CYSTM1: variants seen among roughly 807,000 people sequenced by gnomAD.
CYSTM1 encodes cysteine-rich transmembrane module-containing protein 1.
In CYSTM1, 4 loss-of-function variants were observed where a neutral mutation model predicts 13.1. The observed-to-expected ratio is 0.31, with a 90% CI of 0.15 to 0.70. The LOEUF (loss-of-function observed/expected upper bound fraction) is 0.70. Ranked by LOEUF, CYSTM1 falls within the 30% of genes least tolerant of loss-of-function variation. The probability of loss-of-function intolerance (pLI) is 0.72; values close to 1 mark genes in which losing one functional copy is unlikely to be tolerated. For missense variants in CYSTM1, 96 were observed against 121.6 expected (o/e 0.79, Z 0.99); for synonymous variants, 36 against 42.7 (o/e 0.84, Z 0.62).
intron 2 of CYSTM1, among the ~76,000 whole-genome samples, chr5:140,208,567 ATAAC>A (rs1431263094): frequency 6.6e-6 from 1 of 152,230 alleles, no homozygotes; most frequent in East Asian, 1.9e-4. Flanking sequence ...ACATTTAAAA[ATAAC>A]TAAAAGAGTA....
At chr5:140,176,558 TGCA>T (rs1156415659) in intron 1 of CYSTM1, among the ~76,000 whole-genome samples, 1 of 152,170 alleles carries the variant, frequency 6.6e-6, no homozygotes, top group Non-Finnish European at 1.5e-5. Flanking sequence ...CCCCTCAGTA[TGCA>T]GGGAGATTAT....
chr5:140,179,986 T>C (rs1400790870), intron 1 of CYSTM1, among the ~76,000 whole-genome samples: 1 of 152,172 alleles, frequency 6.6e-6, no homozygotes, highest in Non-Finnish European at 1.5e-5. Context: ...TCTTTTATTC[T>C]CTGTTAACCT....
chr5:140,180,007 T>C (rs1476800674), intron 1 of CYSTM1, among the ~76,000 whole-genome samples: 4 of 152,138 alleles, frequency 2.6e-5, no homozygotes, highest in African/African-American at 9.7e-5. Context: ...GGTCTTGGCT[T>C]TTTTTGGAGT....
intron 2 of CYSTM1, chr5:140,201,732 G>A (rs750125609): frequency 6.6e-6 from 1 of 151,992 alleles, no homozygotes; most frequent in African/African-American, 2.4e-5. Context: ...GTTTGTTTTG[G>A]TCAAGACTCT....
At chr5:140,225,034 T>C (rs1017834468) in intron 2 of CYSTM1, among the ~76,000 whole-genome samples, 2 of 152,100 alleles carry the variant, frequency 1.3e-5, no homozygotes, top group Non-Finnish European at 2.9e-5. Flanking sequence ...TTTTAAAAAT[T>C]AGCCAGGTGT....
chr5:140,224,158 A>C (rs1371144304), intron 2 of CYSTM1, among the ~76,000 whole-genome samples: 1 of 152,146 alleles, frequency 6.6e-6, no homozygotes, highest in African/African-American at 2.4e-5. Flanking sequence ...TGTTTTTTTG[A>C]GACGGAGTTT....
chr5:140,221,973 G>A (rs1457936450), intron 2 of CYSTM1, among the ~76,000 whole-genome samples: 2 of 152,178 alleles, frequency 1.3e-5, no homozygotes, highest in Non-Finnish European at 2.9e-5. Flanking sequence ...CCTTATGATT[G>A]TGGAGGCACC....
At position 140,194,480 on chromosome 5, in the gene CYSTM1, C is replaced by T. The variant is rs1384956460; in HGVS notation, c.15C>T (p.Asn5=). Residue 5 remains asparagine, a synonymous_variant, in exon 2 of 3, where the codon AAC becomes AAT. Transcript: ENST00000261811. MNQE[N]PPPYPGPGPT... is the part of the protein sequence containing the mutation. Reference sequence around the variant, plus strand: ...ACAGGTCCCCGATGAACCAAGAGAACCCTCCACCATATCCAGGCCCTGGTC... The same window carrying T: ...ACAGGTCCCCGATGAACCAAGAGAATCCTCCACCATATCCAGGCCCTGGTC... 8 of 1,598,276 alleles carry T rather than the reference C, an allele frequency of 5.0e-6. No individual in the cohort carries two copies. The highest frequency in any genetic ancestry group is 6.8e-6 in the Non-Finnish European group (8 of 1,175,568).
At chr5:140,241,963 CAT>C (rs1407642079) in intron 2 of CYSTM1, among the ~76,000 whole-genome samples, 2 of 152,242 alleles carry the variant, frequency 1.3e-5, no homozygotes, top group Non-Finnish European at 2.9e-5. Flanking sequence ...TGCCTCGTCA[CAT>C]GTGCTTGAAC....
chr5:140,194,724 A>G, intron 2 of CYSTM1, 72 bp downstream of exon 2: 1 of 1,510,386 alleles, frequency 6.6e-7, no homozygotes, highest in South Asian at 1.3e-5. Context: ...TTTCTTTGGC[A>G]GAGAAGAAAT....
At chr5:140,189,149 A>T (rs1329363669) in intron 1 of CYSTM1, among the ~76,000 whole-genome samples, 1 of 152,168 alleles carries the variant, frequency 6.6e-6, no homozygotes, top group Non-Finnish European at 1.5e-5. Context: ...TCCTCTCCAG[A>T]TCTCATCTTG....
At chr5:140,234,222 T>C (rs566410947) in intron 2 of CYSTM1, among the ~76,000 whole-genome samples, 1 of 152,250 alleles carries the variant, frequency 6.6e-6, no homozygotes, top group Non-Finnish European at 1.5e-5. Context: ...CTTTCTCCAA[T>C]GAATTGCCTT....
At chr5:140,184,141 A>G (rs746620733) in intron 1 of CYSTM1, among the ~76,000 whole-genome samples, 72 of 152,342 alleles carry the variant, frequency 4.7e-4, no homozygotes, top group Non-Finnish European at 7.3e-4. Context: ...TAACTGTGTG[A>G]TCTATTCAGG....
chr5:140,236,391 A>T (rs1764680622), intron 2 of CYSTM1, among the ~76,000 whole-genome samples: 1 of 152,232 alleles, frequency 6.6e-6, no homozygotes, highest in Non-Finnish European at 1.5e-5. Flanking sequence ...CACCTGGACC[A>T]GCAAACAGGA....
At chr5:140,227,806 T>C (rs1764575483) in intron 2 of CYSTM1, among the ~76,000 whole-genome samples, 2 of 152,124 alleles carry the variant, frequency 1.3e-5, no homozygotes, top group East Asian at 3.9e-4. Flanking sequence ...AGGAGCAGCT[T>C]TGAGTGTGGC....
intron 1 of CYSTM1, among the ~76,000 whole-genome samples, chr5:140,179,483 C>T (rs925938266): frequency 3.3e-5 from 5 of 151,536 alleles, no homozygotes; most frequent in African/African-American, 4.8e-5. Flanking sequence ...TTGCTTGAAC[C>T]CAGGAGGCGG....
intron 2 of CYSTM1, among the ~76,000 whole-genome samples, chr5:140,205,061 A>G (rs1256606082): frequency 6.6e-6 from 1 of 152,202 alleles, no homozygotes; most frequent in Non-Finnish European, 1.5e-5. Context: ...GGAGCTCAAA[A>G]GCCTCATGGG....
intron 2 of CYSTM1, among the ~76,000 whole-genome samples, chr5:140,226,612 A>ATATATATATATATATATAT (rs57697155): frequency 1.1e-5 from 1 of 90,844 alleles, no homozygotes; most frequent in Non-Finnish European, 2.1e-5. Flanking sequence ...ATATATATAT[A>ATATATATATATATATATAT]AAAATTAGCC....
rs1000777365 is a variant in CYSTM1, at chr5:140,234,350, T to C, written c.188-8955T>C. ...ACCATTAACCGGTTATCTTGACTAC[T>C]GTAGCTTTATGTTAAATCTTCATTT... On this transcript the variant is annotated intron_variant, in intron 2 of 2. Coordinates refer to ENST00000261811, the MANE Select transcript of CYSTM1 (RefSeq NM_032412.4). Among the ~76,000 whole-genome samples the C allele has an allele frequency of 2.1e-4, 32 of 152,244 alleles. 1 individual carries two copies. The highest frequency in any genetic ancestry group is 2.0e-3 in the Admixed American group (30 of 15,288).
Sources: gnomAD v4.1 joint callset for allele counts (sites outside exome capture counted in the v4.1 genomes callset) on GRCh38, gnomAD v4.1.1 for gene constraint, MANE v1.5 for transcripts, NCBI Gene and HGNC (gene_info 2026-07-23, HGNC 2026-07-21) for gene names.